Variants in ZBTB20 observed in about 807,000 individuals in gnomAD.
ZBTB20 encodes zinc finger and BTB domain-containing protein 20.
A neutral mutation model predicts 56.9 loss-of-function variants in ZBTB20; 9 were observed. That is an observed-to-expected ratio of 0.16 (90% CI 0.10 to 0.28). ZBTB20 has a LOEUF of 0.28. Ranked by LOEUF, ZBTB20 falls within the 10% of genes least tolerant of loss-of-function variation. The pLI is 1.00. For synonymous variants in ZBTB20, 417 were observed against 420.7 expected (o/e 0.99, Z 0.11); for missense variants, 655 against 1,003.0 (o/e 0.65, Z 4.69).
At chr3:114,952,624 T>A (rs777384854) in intron 3 of ZBTB20, among the ~76,000 whole-genome samples, 3 of 151,550 alleles carry the variant, frequency 2.0e-5, no homozygotes, top group Non-Finnish European at 4.4e-5. Flanking sequence ...CTGGATACAT[T>A]AAAATAGAAC....
At chr3:114,551,075 A>T (rs1454459904) in intron 6 of ZBTB20, among the ~76,000 whole-genome samples, 1 of 152,182 alleles carries the variant, frequency 6.6e-6, no homozygotes, top group Non-Finnish European at 1.5e-5. Flanking sequence ...TAAAGAGGAT[A>T]CTGAGCATCT....
chr3:114,318,386 C>A lies in ZBTB20; in HGVS notation c.*20619G>T, dbSNP rs902322759. On this transcript the variant is annotated 3_prime_UTR_variant, in exon 12 of 12. Coordinates refer to ENST00000675478, the MANE Select transcript of ZBTB20 (RefSeq NM_001348800.3). ...ATGTGGGCTGCTGAGAAAGGCAGAG[C>A]CAGGCTAGGGAACGATGATAACAGT... 6.6e-6 allele frequency: 1 copy of A among 152,414 alleles called. No individual in the cohort carries two copies. The highest frequency in any genetic ancestry group is 2.4e-5 in the African/African-American group (1 of 41,444). 9.4% of individuals were successfully genotyped at this position (152,414 alleles called of 1,614,324 possible). A position where few individuals can be genotyped will look rare whatever the true frequency, so the allele number is the denominator to read the frequency against.
chr3:114,573,312 T>C (rs1040277483), intron 6 of ZBTB20, among the ~76,000 whole-genome samples: 1 of 151,782 alleles, frequency 6.6e-6, no homozygotes, highest in Admixed American at 6.6e-5. Context: ...TACAAAAAAG[T>C]AGCTGGGCTT....
intron 6 of ZBTB20, among the ~76,000 whole-genome samples, chr3:114,586,989 C>CTT (rs1195918426): frequency 0.014 from 1,074 of 77,020 alleles, 1 homozygote; most frequent in African/African-American, 0.017. Flanking sequence ...GTATAACTCC[C>CTT]TTTTTTTTTT....
At chr3:114,894,525 A>G (rs1173058252) in intron 4 of ZBTB20, among the ~76,000 whole-genome samples, 1 of 152,196 alleles carries the variant, frequency 6.6e-6, no homozygotes, top group African/African-American at 2.4e-5. Context: ...TTACTTGGAC[A>G]TAGGTCTCTA....
intron 4 of ZBTB20, among the ~76,000 whole-genome samples, chr3:114,847,462 A>C (rs537020012): frequency 6.6e-6 from 1 of 152,070 alleles, no homozygotes; most frequent in African/African-American, 2.4e-5. Context: ...GGGGATGAAG[A>C]GGGTTTATAG....
chr3:114,433,302 T>C (rs1341483851), intron 7 of ZBTB20, among the ~76,000 whole-genome samples: 2 of 152,220 alleles, frequency 1.3e-5, no homozygotes, highest in African/African-American at 2.4e-5. Flanking sequence ...AAGAAGTAGA[T>C]GAAAATCAAA....
chr3:114,678,304 T>C (rs1317928568), intron 6 of ZBTB20, among the ~76,000 whole-genome samples: 1 of 152,186 alleles, frequency 6.6e-6, no homozygotes, highest in African/African-American at 2.4e-5. Context: ...CTGAAAACCA[T>C]TTCTATTCTG....
intron 5 of ZBTB20, among the ~76,000 whole-genome samples, chr3:114,698,343 G>A (rs961767039): frequency 1.3e-5 from 2 of 152,072 alleles, no homozygotes; most frequent in African/African-American, 2.4e-5. Flanking sequence ...GAGGAAGAAC[G>A]CTAAATTGAG....
chr3:114,700,021 A>G (rs1195139859), intron 5 of ZBTB20, among the ~76,000 whole-genome samples: 1 of 152,144 alleles, frequency 6.6e-6, no homozygotes, highest in Non-Finnish European at 1.5e-5. Flanking sequence ...AGGAATTCTT[A>G]CATTATGTAA....
chr3:114,874,529 A>G (rs2076122462), intron 4 of ZBTB20, among the ~76,000 whole-genome samples: 1 of 152,208 alleles, frequency 6.6e-6, no homozygotes. Flanking sequence ...AGCAAAGCTG[A>G]TCCAACTAGG....
chr3:115,080,623 G>C (rs952611446), intron 1 of ZBTB20, among the ~76,000 whole-genome samples: 1 of 152,068 alleles, frequency 6.6e-6, no homozygotes, highest in Non-Finnish European at 1.5e-5. Flanking sequence ...AGGAAAATTA[G>C]AACATTTCAG....
chr3:114,319,890 A>G lies in ZBTB20; in HGVS notation c.*19115T>C, dbSNP rs1382882699. The G allele has an allele frequency of 1.3e-5, 2 of 152,076 alleles. No homozygotes were observed. Among genetic ancestry groups the G allele is most frequent in the South Asian group, 4.1e-4 (2 of 4,822 alleles). 9.4% of individuals were successfully genotyped at this position (152,076 alleles called of 1,614,324 possible). The stretch of plus-strand genomic sequence containing the variant: ...TTTGTTACATAGCCAATTTGTTTTT[A>G]AATATTTTTTCTCAAAAGGGAGCTC... On this transcript the variant is annotated 3_prime_UTR_variant, in exon 12 of 12. Coordinates refer to ENST00000675478, the MANE Select transcript of ZBTB20 (RefSeq NM_001348800.3).
chr3:114,540,469 A>C (rs1039567157), intron 6 of ZBTB20, among the ~76,000 whole-genome samples: 4 of 152,240 alleles, frequency 2.6e-5, no homozygotes, highest in Middle Eastern at 6.8e-3. Flanking sequence ...CCTAGGCTAC[A>C]TCTGTAACAC....
At chr3:114,911,467 A>G (rs2107710406) in intron 3 of ZBTB20, among the ~76,000 whole-genome samples, 1 of 152,124 alleles carries the variant, frequency 6.6e-6, no homozygotes, top group Non-Finnish European at 1.5e-5. Context: ...CAAAATAATG[A>G]TTTTCAATAA....
intron 4 of ZBTB20, among the ~76,000 whole-genome samples, chr3:114,836,960 T>C (rs2074150636): frequency 6.6e-6 from 1 of 152,196 alleles, no homozygotes; most frequent in Non-Finnish European, 1.5e-5. Flanking sequence ...TGACCATCTT[T>C]CTGTTCTCAT....
At chr3:114,741,516 GCT>G (rs991251284) in intron 5 of ZBTB20, among the ~76,000 whole-genome samples, 23 of 152,140 alleles carry the variant, frequency 1.5e-4, no homozygotes, top group African/African-American at 5.5e-4. Context: ...AAGCAAATAG[GCT>G]TATGAAATCA....
chr3:114,644,407 T>C (rs1179246652), intron 6 of ZBTB20, among the ~76,000 whole-genome samples: 1 of 152,110 alleles, frequency 6.6e-6, no homozygotes, highest in Non-Finnish European at 1.5e-5. Context: ...ATTTAAGAGT[T>C]ACAGGTTATG....
At chr3:114,681,096 T>C (rs1379361680) in intron 6 of ZBTB20, among the ~76,000 whole-genome samples, 1 of 152,146 alleles carries the variant, frequency 6.6e-6, no homozygotes, top group East Asian at 1.9e-4. Context: ...TAAATTATCA[T>C]TTAAAAACCC....
Sources: allele counts gnomAD v4.1 joint callset (sites outside exome capture counted in the v4.1 genomes callset), GRCh38; gene constraint gnomAD v4.1.1; transcripts MANE v1.5; gene names NCBI Gene and HGNC (gene_info 2026-07-23, HGNC 2026-07-21).